The following ILRUN variants were observed in gnomAD, a reference collection of about 807,000 sequenced individuals.
ILRUN encodes inflammation and lipid regulator with UBA-like and NBR1-like domains.
Under a neutral mutation model 33.8 loss-of-function variants are expected in ILRUN, and 3 were observed. The observed-to-expected ratio is 0.09, with a 90% confidence interval of 0.04 to 0.23. The LOEUF (loss-of-function observed/expected upper bound fraction) is 0.23, where lower values mean the gene tolerates loss of function less well. Among genes scored for constraint, ILRUN ranks in the 10% least tolerant of loss-of-function variants. The pLI is 1.00. For missense variants in ILRUN, 210 were observed against 375.1 expected (o/e 0.56, Z 3.64); for synonymous variants, 124 against 138.9 (o/e 0.89, Z 0.75).
chr6:34,656,019 G>A (rs1762763974), intron 1 of ILRUN, among the ~76,000 whole-genome samples: 1 of 152,136 alleles, frequency 6.6e-6, no homozygotes, highest in South Asian at 2.1e-4. Flanking sequence ...CAGATCACGG[G>A]GTCAGGAGTT....
chr6:34,625,914 G>A (rs1762116549), intron 3 of ILRUN, among the ~76,000 whole-genome samples: 3 of 137,976 alleles, frequency 2.2e-5, no homozygotes, highest in Admixed American at 1.5e-4. Context: ...GCAGTGGCAC[G>A]ATCTTGGCTC....
At chr6:34,658,572 C>A (rs1480575844) in intron 1 of ILRUN, among the ~76,000 whole-genome samples, 1 of 146,518 alleles carries the variant, frequency 6.8e-6, no homozygotes, top group Non-Finnish European at 1.5e-5. Context: ...TTTGGGAGGC[C>A]GAGGCGGGCA....
rs1005242094 is a variant in ILRUN, at chr6:34,589,803, C to G, written c.*762G>C. ...CACCTCTCAGGCTTAGAAAATCCCACGTCACCCGAGATCTATCCTCAAGGC... is the reference window on the plus strand; with the variant it reads ...CACCTCTCAGGCTTAGAAAATCCCAGGTCACCCGAGATCTATCCTCAAGGC... On this transcript the variant is annotated 3_prime_UTR_variant, in exon 5 of 5. Transcript: ENST00000374023. 2 of 152,194 alleles carry G rather than the reference C, an allele frequency of 1.3e-5. No homozygotes were observed. Among genetic ancestry groups the G allele is most frequent in the Non-Finnish European group, 2.9e-5 (2 of 68,030 alleles). The allele number at this position is 152,194 out of a possible 1,614,324, so 9.4% of individuals were successfully genotyped here.
chr6:34,610,774 T>G (rs868178366), intron 3 of ILRUN, among the ~76,000 whole-genome samples: 1 of 152,240 alleles, frequency 6.6e-6, no homozygotes, highest in Non-Finnish European at 1.5e-5. Context: ...CATGATAGAT[T>G]TGGCACACAG....
rs1761230722 is a variant in ILRUN, at chr6:34,588,142, T to C, written c.*2423A>G. On this transcript the variant is annotated 3_prime_UTR_variant, in exon 5 of 5. Transcript: ENST00000374023. Reference sequence around the variant, plus strand: ...TGGGGAAGCCATGGACCCCTCTGCCTGCACTCCATGACTTGCACTTACTCT... The same window carrying C: ...TGGGGAAGCCATGGACCCCTCTGCCCGCACTCCATGACTTGCACTTACTCT... 4 of 398,978 alleles carry C rather than the reference T, an allele frequency of 1.0e-5. No homozygotes were observed. In the East Asian group the frequency reaches 1.4e-4, roughly 14 times the overall value. The allele number at this position is 398,978 out of a possible 1,614,324, so 24.7% of individuals were successfully genotyped here. A position where few individuals can be genotyped will look rare whatever the true frequency, so the allele number is the denominator to read the frequency against.
At chr6:34,670,167 C>T (rs1763086923) in intron 1 of ILRUN, among the ~76,000 whole-genome samples, 1 of 152,134 alleles carries the variant, frequency 6.6e-6, no homozygotes, top group South Asian at 2.1e-4. Flanking sequence ...CCCACCTTGG[C>T]CTCCCAAAGT....
intron 3 of ILRUN, among the ~76,000 whole-genome samples, chr6:34,627,716 T>A (rs1207977000): frequency 1.3e-5 from 2 of 151,802 alleles, no homozygotes; most frequent in African/African-American, 2.4e-5. Flanking sequence ...TTTTTTTTTT[T>A]TTTTGAGACA....
intron 1 of ILRUN, among the ~76,000 whole-genome samples, chr6:34,693,793 C>T (rs1182781162): frequency 1.3e-5 from 2 of 151,574 alleles, no homozygotes; most frequent in Admixed American, 6.6e-5. Context: ...CAGCCTCCCT[C>T]AAATACAAGT....
chr6:34,683,417 TAC>T (rs1387850355), intron 1 of ILRUN, among the ~76,000 whole-genome samples: 1 of 74,728 alleles, frequency 1.3e-5, no homozygotes, highest in African/African-American at 1.0e-4. Context: ...CATATATATA[TAC>T]ATATATATAC....
intron 3 of ILRUN, among the ~76,000 whole-genome samples, chr6:34,607,179 C>T (rs1761652218): frequency 6.6e-6 from 1 of 152,136 alleles, no homozygotes; most frequent in South Asian, 2.1e-4. Context: ...CCAGTTGATG[C>T]CAATGCACCG....
At chr6:34,655,453 CT>C (rs1762750157) in intron 1 of ILRUN, among the ~76,000 whole-genome samples, 1 of 152,102 alleles carries the variant, frequency 6.6e-6, no homozygotes, top group African/African-American at 2.4e-5. Flanking sequence ...TATTTTCCCC[CT>C]TTTTTATACA....
At chr6:34,622,482 G>C (rs1014096227) in intron 3 of ILRUN, among the ~76,000 whole-genome samples, 2 of 151,832 alleles carry the variant, frequency 1.3e-5, no homozygotes, top group Admixed American at 6.6e-5. Context: ...TAATCACCGG[G>C]GAAATGCAAA....
chr6:34,614,885 C>G (rs904185142), intron 3 of ILRUN, among the ~76,000 whole-genome samples: 7 of 152,092 alleles, frequency 4.6e-5, no homozygotes, highest in African/African-American at 1.4e-4. Context: ...AGGAAAACAT[C>G]AGACAAGCTC....
rs545233370 is a variant in ILRUN, at chr6:34,626,448, A to G, written c.512-19544T>C. 1.9e-4 allele frequency among the ~76,000 whole-genome samples: 29 copies of G among 152,312 alleles called. No homozygotes were observed. In the South Asian group the frequency reaches 5.0e-3, roughly 26 times the overall value. ...TGCCTCAGCCTCTCAAAGGGCTGGAATTACAGGCATGAGCCGCTTTGCCCG... is the reference window on the plus strand; with the variant it reads ...TGCCTCAGCCTCTCAAAGGGCTGGAGTTACAGGCATGAGCCGCTTTGCCCG... On this transcript the variant is annotated intron_variant, in intron 3 of 4. Coordinates refer to ENST00000374023, the MANE Select transcript of ILRUN (RefSeq NM_024294.4).
chr6:34,602,916 G>A (rs1426014600), intron 4 of ILRUN, among the ~76,000 whole-genome samples: 1 of 152,214 alleles, frequency 6.6e-6, no homozygotes, highest in Admixed American at 6.5e-5. Flanking sequence ...GGACTCCAGG[G>A]TGTCTGTTTC....
At chr6:34,636,778 A>G (rs372788218) in intron 3 of ILRUN, among the ~76,000 whole-genome samples, 10 of 152,216 alleles carry the variant, frequency 6.6e-5, no homozygotes, top group East Asian at 3.8e-4. Context: ...AAAGTCAATT[A>G]TGCTTACTTC....
At chr6:34,639,811 T>A (rs991331149) in intron 3 of ILRUN, among the ~76,000 whole-genome samples, 2 of 152,212 alleles carry the variant, frequency 1.3e-5, no homozygotes, top group Non-Finnish European at 1.5e-5. Context: ...ATAACTATAA[T>A]TCGTAACTAA....
At chr6:34,613,061 AT>A (rs1761794094) in intron 3 of ILRUN, among the ~76,000 whole-genome samples, 1 of 151,518 alleles carries the variant, frequency 6.6e-6, no homozygotes, top group Non-Finnish European at 1.5e-5. Flanking sequence ...AAAAAAAAAA[AT>A]TTGTTACATG....
chr6:34,618,749 TAC>T lies in ILRUN; in HGVS notation c.512-11847_512-11846del, dbSNP rs1384371351. ...GCAGAGACCCCATCACCCTTTTCCT[TAC>T]AGTCTTCCCTCTTTCATGACTGCCC... On this transcript the variant is annotated intron_variant, in intron 3 of 4. Coordinates refer to ENST00000374023, the MANE Select transcript of ILRUN (RefSeq NM_024294.4). 7.9e-5 allele frequency among the ~76,000 whole-genome samples: 12 copies of T among 152,312 alleles called. No individual in the cohort carries two copies. In the East Asian group the frequency reaches 2.3e-3, roughly 29 times the overall value.
Sources: gnomAD v4.1 joint callset for allele counts (sites outside exome capture counted in the v4.1 genomes callset) on GRCh38, gnomAD v4.1.1 for gene constraint, MANE v1.5 for transcripts, NCBI Gene and HGNC (gene_info 2026-07-23, HGNC 2026-07-21) for gene names.